The following IFT140 variants were observed in gnomAD, a reference collection of about 807,000 sequenced individuals.
IFT140 encodes intraflagellar transport 140, also known as intraflagellar transport protein 140 homolog.
IFT140 carries 133 observed loss-of-function variants against 164.6 expected under a neutral mutation model. The observed-to-expected ratio is 0.81, with a 90% confidence interval of 0.70 to 0.93. IFT140 has a LOEUF of 0.93. Ranked by LOEUF, IFT140 falls within the 40% of genes least tolerant of loss-of-function variation. IFT140 has a pLI of 0.00. For missense variants in IFT140, 2,045 were observed against 1,972.3 expected (o/e 1.04, Z -0.70); for synonymous variants, 860 against 817.3 (o/e 1.05, Z -0.89).
chr16:1,602,620 A>G lies in IFT140; in HGVS notation c.148-29T>C, dbSNP rs59000332. 89,044 of 1,590,070 alleles carry G rather than the reference A, an allele frequency of 0.056. 4,632 individuals carry two copies. The highest frequency in any genetic ancestry group is 0.27 in the Admixed American group (15,972 of 59,886). On this transcript the variant is annotated intron_variant, in intron 3 of 30. Transcript: ENST00000426508. The stretch of plus-strand genomic sequence containing the variant: ...CATTGGATGAGAGGCAAATTCCCAC[A>G]GTTCAGAGAGGGACAGCTACTTTTA...
rs1322686700 is a variant in IFT140 at position 1,580,850 on chromosome 16, C to A, written c.1433G>T (p.Gly478Val). ...CACAGGCGTCTCACACAAGAAGGTC[C>A]CTAAAATGAAAGACGAACATCAGGA... ...ELSGAAIRSA[G>V]TFLCETPVLA... is the part of the protein sequence containing the mutation. The change falls in exon 13 of 31, where the codon GGG becomes GTG. Residue 478 changes from glycine to valine, a missense_variant and splice_region_variant. Transcript: ENST00000426508. The A allele has an allele frequency of 6.2e-7, 1 of 1,610,776 alleles. No individual in the cohort carries two copies. The highest frequency in any genetic ancestry group is 2.2e-5 in the East Asian group (1 of 44,846).
At chr16:1,600,462 T>TA (rs764184202) in intron 4 of IFT140, among the ~76,000 whole-genome samples, 6,545 of 111,488 alleles carry the variant, frequency 0.059, 233 homozygotes, top group South Asian at 0.19. Flanking sequence ...AAAAATAAAT[T>TA]TAAAAAAAAA....
intron 14 of IFT140, 93 bp from the exon 15 acceptor site, chr16:1,568,427 G>T (rs182085279): frequency 2.9e-6 from 3 of 1,023,044 alleles, no homozygotes; most frequent in African/African-American, 3.2e-5. Flanking sequence ...GATGAGTGCT[G>T]CACAGCTCTT....
At chr16:1,592,121 A>G in intron 6 of IFT140, 55 bp downstream of exon 6, 4 of 1,593,624 alleles carry the variant, frequency 2.5e-6, no homozygotes, top group Non-Finnish European at 3.4e-6. Context: ...TAAAATCCCT[A>G]CCAGACACCC....
At chr16:1,546,929 G>A (rs952365351) in intron 19 of IFT140, among the ~76,000 whole-genome samples, 2 of 152,244 alleles carry the variant, frequency 1.3e-5, no homozygotes, top group Non-Finnish European at 2.9e-5. Context: ...TCGTGGCCAT[G>A]CAATGGGGTC....
chr16:1,604,752 C>G (rs7197288), intron 3 of IFT140, among the ~76,000 whole-genome samples: 1 of 151,676 alleles, frequency 6.6e-6, no homozygotes, highest in South Asian at 2.1e-4. Flanking sequence ...GAAGGGCAAG[C>G]AGCAGCAGAC....
intron 13 of IFT140, among the ~76,000 whole-genome samples, chr16:1,572,577 T>C (rs1286636102): frequency 6.6e-6 from 1 of 151,398 alleles, no homozygotes; most frequent in Non-Finnish European, 1.5e-5. Context: ...ACCCGGGAGG[T>C]GGAGCTTGCA....
chr16:1,522,383 A>G (rs1185138833), intron 26 of IFT140, among the ~76,000 whole-genome samples: 1 of 152,038 alleles, frequency 6.6e-6, no homozygotes, highest in Non-Finnish European at 1.5e-5. Flanking sequence ...TAAAAATACA[A>G]AATTAGCCGG....
intron 9 of IFT140, 30 bp from the exon 10 acceptor site, chr16:1,586,305 A>G (rs774435177): frequency 6.3e-7 from 1 of 1,590,502 alleles, no homozygotes; most frequent in Admixed American, 1.8e-5. Context: ...GCATGTGAAC[A>G]GAGTTAAAAA....
chr16:1,523,122 G>A (rs1270472771), intron 26 of IFT140, among the ~76,000 whole-genome samples: 1 of 151,686 alleles, frequency 6.6e-6, no homozygotes, highest in Non-Finnish European at 1.5e-5. Flanking sequence ...CTACTCAGGA[G>A]GAAGGAGGAT....
chr16:1,521,919 A>T (rs905784719), intron 26 of IFT140, among the ~76,000 whole-genome samples: 10 of 108,142 alleles, frequency 9.2e-5, no homozygotes, highest in African/African-American at 5.7e-4. Context: ...TTTATATTTA[A>T]AAAAAAAAAA....
At chr16:1,587,629 C>T (rs758822281) in intron 8 of IFT140, among the ~76,000 whole-genome samples, 1 of 152,188 alleles carries the variant, frequency 6.6e-6, no homozygotes, top group South Asian at 2.1e-4. Context: ...ACCACAACGA[C>T]TGATTCTAGT....
chr16:1,611,327 A>C (rs553367209), intron 1 of IFT140, among the ~76,000 whole-genome samples: 43 of 152,302 alleles, frequency 2.8e-4, no homozygotes, highest in African/African-American at 9.1e-4. Context: ...CAACAAGGCG[A>C]GATCCTGTCT....
intron 19 of IFT140, among the ~76,000 whole-genome samples, chr16:1,545,943 C>T (rs535750949): frequency 2.0e-5 from 3 of 152,328 alleles, no homozygotes; most frequent in East Asian, 1.9e-4. Context: ...CTGAAATGTG[C>T]GGGGACCCCA....
intron 4 of IFT140, among the ~76,000 whole-genome samples, chr16:1,593,009 T>C (rs1489140354): frequency 1.4e-5 from 2 of 144,056 alleles, no homozygotes; most frequent in East Asian, 2.2e-4. Context: ...CCTGGCAGAG[T>C]GACTGGTGGT....
At position 1,526,750 on chromosome 16, in the gene IFT140, G is replaced by A. The variant is rs549813139; in HGVS notation, c.2446C>T (p.Arg816Trp). ...AGGCACACCTTGGCCACGTCCAGCCGCTGGGTCTTCACGCACATGCGCGCC... is the reference window on the plus strand; with the variant it reads ...AGGCACACCTTGGCCACGTCCAGCCACTGGGTCTTCACGCACATGCGCGCC... ...NMARMCVKTQ[R>W]LDVAKVCLGN... Residue 816 changes from arginine to tryptophan, a missense_variant, in exon 20 of 31, where the codon CGG becomes TGG. Physicochemically the swap from Arg to Trp is moderately radical, Grantham distance 101. Coordinates refer to ENST00000426508, the MANE Select transcript of IFT140 (RefSeq NM_014714.4). The A allele has an allele frequency of 7.3e-5, 118 of 1,609,890 alleles. No individual in the cohort carries two copies. In the East Asian group the frequency reaches 2.5e-3, roughly 34 times the overall value.
rs2035070418 is a variant in IFT140, at chr16:1,589,638, C to T, written c.777G>A (p.Val259=). 6.2e-7 allele frequency: 1 copy of T among 1,614,196 alleles called. No homozygotes were observed. The highest frequency in any genetic ancestry group is 8.5e-7 in the Non-Finnish European group (1 of 1,180,018). ...CTTCTTCTGCTTTGCCCTCAGGAGG[C>T]ACCGTGTACAGGGACAGCCGGAGGT... is the stretch of plus-strand genomic sequence containing the variant. ...TENLRLSLYT[V]PPEGKAEEVM... Residue 259 remains valine, a synonymous_variant, in exon 7 of 31, where the codon GTG becomes GTA. Coordinates refer to ENST00000426508, the MANE Select transcript of IFT140 (RefSeq NM_014714.4).
At chr16:1,528,646 G>C (rs1405235922) in intron 19 of IFT140, 1 of 154,418 alleles carries the variant, frequency 6.5e-6, no homozygotes, top group Non-Finnish European at 1.5e-5. Context: ...GGCCACCCTC[G>C]CATTCCAGGC....
At chr16:1,559,655 C>T (rs2033297580) in intron 18 of IFT140, among the ~76,000 whole-genome samples, 1 of 152,186 alleles carries the variant, frequency 6.6e-6, no homozygotes. Context: ...GTCACATGTC[C>T]CAGCCATGAC....
Sources: gnomAD v4.1 joint callset for allele counts (sites outside exome capture counted in the v4.1 genomes callset) on GRCh38, gnomAD v4.1.1 for gene constraint, MANE v1.5 for transcripts, NCBI Gene and HGNC (gene_info 2026-07-23, HGNC 2026-07-21) for gene names.